Variants in CYP4F12 observed in about 807,000 individuals in gnomAD.
CYP4F12 encodes the protein cytochrome P450 family 4 subfamily F member 12, also known as cytochrome P450 4F12.
In CYP4F12, 60 loss-of-function variants were observed where a neutral mutation model predicts 56.5. That is an observed-to-expected ratio of 1.06 (90% CI 0.86 to 1.32). CYP4F12 has a LOEUF of 1.32. Among genes scored for constraint, CYP4F12 ranks in the 40% most tolerant of loss-of-function variants. CYP4F12 has a pLI of 0.00. For synonymous variants in CYP4F12, 263 were observed against 264.9 expected (o/e 0.99, Z 0.07); for missense variants, 711 against 683.5 (o/e 1.04, Z -0.45).
chr19:15,681,286 G>C (rs2007285659), intron 5 of CYP4F12: 1 of 152,382 alleles, frequency 6.6e-6, no homozygotes, highest in Admixed American at 6.5e-5. Context: ...CTCTTAATGG[G>C]AGTTGCTGAA....
chr19:15,678,363 T>C lies in CYP4F12; in HGVS notation c.301T>C (p.Leu101=), dbSNP rs748083572. 7 of 1,614,200 alleles carry C rather than the reference T, an allele frequency of 4.3e-6. No individual in the cohort carries two copies. Among genetic ancestry groups the C allele is most frequent in the Middle Eastern group, 1.6e-4 (1 of 6,062 alleles). The change falls in exon 3 of 13, where the codon TTA becomes CTA. Residue 101 remains leucine (L), a synonymous_variant. Transcript: ENST00000550308. ...GGGTCCCATCATCCCCTTCATCGTT[T>C]TATGCCACCCTGACACCATCCGGTC... ...WLGPIIPFIV[L]CHPDTIRSIT... is the part of the protein sequence containing the mutation.
chr19:15,680,547 A>G, intron 5 of CYP4F12, 28 bp downstream of exon 5: 3 of 1,613,944 alleles, frequency 1.9e-6, no homozygotes, highest in Non-Finnish European at 2.5e-6. Context: ...TGGGTCCCAG[A>G]TGGAGTCTTG....
Position 15,696,003 on chromosome 19 carries a change from G to A in CYP4F12, c.1183G>A (p.Ala395Thr). Residue 395 changes from alanine to threonine, a missense_variant, in exon 10 of 13, where the codon GCT (alanine) becomes ACT (threonine). Physicochemically the swap from Ala to Thr is moderately conservative, Grantham distance 58. Transcript: ENST00000550308. The part of the protein sequence containing the change: ...VKESLRLHPP[A>T]PFISRCCTQD... ...GGAGAGCCTGAGGTTACATCCCCCA[G>A]CTCCCTTCATCTCCCGATGCTGCAC... 1 of 1,614,018 alleles carries A rather than the reference G, an allele frequency of 6.2e-7. No homozygotes were observed. Among genetic ancestry groups the A allele is most frequent in the African/African-American group, 1.3e-5 (1 of 75,014 alleles).
intron 9 of CYP4F12, among the ~76,000 whole-genome samples, chr19:15,691,180 C>A (rs1001749547): frequency 6.6e-6 from 1 of 152,102 alleles, no homozygotes; most frequent in South Asian, 2.1e-4. Context: ...ACTAGTGATC[C>A]TTTTTTTCTC....
Position 15,678,425 on chromosome 19 carries a change from G to T in CYP4F12, c.343+20G>T. The T allele has an allele frequency of 6.2e-7, 1 of 1,613,906 alleles. No individual in the cohort carries two copies. Among genetic ancestry groups the T allele is most frequent in the Admixed American group, 1.7e-5 (1 of 60,012 alleles). On this transcript the variant is annotated intron_variant, in intron 3 of 12. Coordinates refer to ENST00000550308, the MANE Select transcript of CYP4F12 (RefSeq NM_023944.4). Reference sequence around the variant, plus strand: ...CCTCAGGTACCCATGCAGAGCTTGTGGTGGTGGGTGCCAGACCAAGCTTCT... The same window carrying T: ...CCTCAGGTACCCATGCAGAGCTTGTTGTGGTGGGTGCCAGACCAAGCTTCT...
chr19:15,680,328 A>G (rs1241548353), intron 4 of CYP4F12, 31 bp downstream of exon 4: 8 of 1,613,018 alleles, frequency 5.0e-6, no homozygotes, highest in Non-Finnish European at 6.8e-6. Context: ...GGGGTTGGGG[A>G]CAACCTTGCG....
At chr19:15,685,900 A>G (rs1443967213) in intron 9 of CYP4F12, among the ~76,000 whole-genome samples, 1 of 152,212 alleles carries the variant, frequency 6.6e-6, no homozygotes, top group Non-Finnish European at 1.5e-5. Flanking sequence ...AAAGTCATCT[A>G]TCTTTTGTCT....
intron 3 of CYP4F12, chr19:15,678,703 C>T: frequency 3.0e-6 from 1 of 335,256 alleles, no homozygotes; most frequent in Non-Finnish European, 5.6e-6. Context: ...GGTATGACAA[C>T]ACAGAGAACT....
chr19:15,677,761 C>T (rs146517337), intron 2 of CYP4F12, among the ~76,000 whole-genome samples: 531 of 1,918 alleles, frequency 0.28, 221 homozygotes, highest in East Asian at 0.93. Context: ...TACCCATGCA[C>T]TCATTCTTCT....
intron 2 of CYP4F12, among the ~76,000 whole-genome samples, chr19:15,677,259 T>C (rs2007001930): frequency 1.1e-5 from 1 of 92,204 alleles, no homozygotes; most frequent in African/African-American, 4.3e-5. Context: ...ACTCACTCAT[T>C]CCTCTGCTCA....
intron 5 of CYP4F12, 38 bp from the exon 6 acceptor site, chr19:15,682,351 C>T: frequency 6.2e-7 from 1 of 1,606,954 alleles, no homozygotes; most frequent in Non-Finnish European, 8.5e-7. Context: ...ACAAAGGAGG[C>T]AGGGCCCAGC....
intron 2 of CYP4F12, among the ~76,000 whole-genome samples, chr19:15,675,188 C>T (rs2006857158): frequency 7.4e-6 from 1 of 135,068 alleles, no homozygotes; most frequent in Admixed American, 7.8e-5. Context: ...TTTCAGAAGC[C>T]GTCCTTGGTA....
chr19:15,677,211 T>A (rs62640403), intron 2 of CYP4F12, among the ~76,000 whole-genome samples: 29,595 of 34,894 alleles, frequency 0.85, 12,697 homozygotes, highest in East Asian at 1. Context: ...CTCTCCTCAC[T>A]TACTCATTCC....
At chr19:15,676,077 G>C (rs2144705671) in intron 2 of CYP4F12, among the ~76,000 whole-genome samples, 1 of 152,234 alleles carries the variant, frequency 6.6e-6, no homozygotes, top group East Asian at 1.9e-4. Flanking sequence ...GGAGAAGACG[G>C]ATATCCCAGC....
intron 9 of CYP4F12, among the ~76,000 whole-genome samples, chr19:15,695,313 T>G (rs1388820748): frequency 2.4e-5 from 3 of 125,636 alleles, no homozygotes; most frequent in East Asian, 2.4e-4. Flanking sequence ...TGAGAACACA[T>G]GGACACAGGA....
rs1300938237 is a variant in CYP4F12 at position 15,677,360 on chromosome 19, G to C, written c.199-901G>C. ...ACTCATTCCTCACTCACTCATTCCT[G>C]TCCTCACTCACTCATTCCTCTGCTC... is the stretch of plus-strand genomic sequence containing the variant. On this transcript the variant is annotated intron_variant, in intron 2 of 12. Transcript: ENST00000550308. Among the ~76,000 whole-genome samples, 204 of 9,762 alleles carry C rather than the reference G, an allele frequency of 0.021. 91 individuals are homozygous for C. The East Asian group carries it at 0.62, about 30-fold the overall frequency. 6.4% of individuals were successfully genotyped at this position (9,762 alleles called of 152,430 possible). A position where few individuals can be genotyped will look rare whatever the true frequency, so the allele number is the denominator to read the frequency against.
chr19:15,678,232 G>C, intron 2 of CYP4F12, 29 bp from the exon 3 acceptor site: 1 of 1,613,872 alleles, frequency 6.2e-7, no homozygotes, highest in Non-Finnish European at 8.5e-7. Flanking sequence ...AACCATCACA[G>C]GAAGTGACAG....
At chr19:15,692,707 C>T (rs890381854) in intron 9 of CYP4F12, among the ~76,000 whole-genome samples, 3 of 152,070 alleles carry the variant, frequency 2.0e-5, no homozygotes, top group Admixed American at 6.6e-5. Context: ...TATTTCATAG[C>T]GCCAGAGTAG....
At chr19:15,693,904 T>C (rs1173486474) in intron 9 of CYP4F12, among the ~76,000 whole-genome samples, 3 of 138,794 alleles carry the variant, frequency 2.2e-5, no homozygotes, top group South Asian at 2.2e-4. Flanking sequence ...GCTTTCTACA[T>C]ATGGCTAGCC....
Sources: allele counts gnomAD v4.1 joint callset (sites outside exome capture counted in the v4.1 genomes callset), GRCh38; gene constraint gnomAD v4.1.1; transcripts MANE v1.5; gene names NCBI Gene and HGNC (gene_info 2026-07-23, HGNC 2026-07-21).